ZNF385D: variants seen among roughly 807,000 people sequenced by gnomAD.
The protein encoded by ZNF385D is zinc finger protein 659.
ZNF385D carries 15 observed loss-of-function variants against 35.8 expected under a neutral mutation model. The observed-to-expected ratio is 0.42, with a 90% CI of 0.28 to 0.64. The LOEUF (loss-of-function observed/expected upper bound fraction) is 0.64. Among genes scored for constraint, ZNF385D ranks in the 30% least tolerant of loss-of-function variants. The pLI is 0.23. For synonymous variants in ZNF385D, 212 were observed against 186.8 expected (o/e 1.13, Z -1.10); for missense variants, 474 against 494.6 (o/e 0.96, Z 0.39).
intron 2 of ZNF385D, among the ~76,000 whole-genome samples, chr3:22,300,336 G>T (rs908880859): frequency 4.0e-5 from 6 of 151,062 alleles, no homozygotes; most frequent in Admixed American, 4.0e-4. Context: ...CTATAAAACT[G>T]CTAGAAGAAA....
intron 1 of ZNF385D, among the ~76,000 whole-genome samples, chr3:21,736,402 A>C (rs1269871165): frequency 6.6e-6 from 1 of 152,226 alleles, no homozygotes; most frequent in African/African-American, 2.4e-5. Flanking sequence ...TATAAGAAAG[A>C]ATCACTGAAA....
At chr3:22,082,072 A>G (rs1211612570) in intron 3 of ZNF385D, among the ~76,000 whole-genome samples, 1 of 150,316 alleles carries the variant, frequency 6.7e-6, no homozygotes, top group East Asian at 2.0e-4. Flanking sequence ...AGTGTTAAGA[A>G]TTTTCTTCTG....
At chr3:22,172,406 A>G (rs1465596604) in intron 2 of ZNF385D, among the ~76,000 whole-genome samples, 5 of 152,156 alleles carry the variant, frequency 3.3e-5, no homozygotes, top group African/African-American at 1.2e-4. Flanking sequence ...AATGTATGTG[A>G]GTTAATTTGA....
At chr3:22,166,587 T>C (rs776304957) in intron 3 of ZNF385D, among the ~76,000 whole-genome samples, 4 of 152,230 alleles carry the variant, frequency 2.6e-5, no homozygotes, top group Non-Finnish European at 5.9e-5. Context: ...TGGTTGGTTA[T>C]GAGGAAAAAT....
chr3:21,832,464 A>T (rs1304711678), intron 3 of ZNF385D, among the ~76,000 whole-genome samples: 1 of 152,180 alleles, frequency 6.6e-6, no homozygotes, highest in East Asian at 1.9e-4. Context: ...AGGGTGTCAT[A>T]CATTCTCATG....
chr3:21,655,840 C>G (rs1465835772), intron 2 of ZNF385D, among the ~76,000 whole-genome samples: 7 of 151,954 alleles, frequency 4.6e-5, no homozygotes, highest in Admixed American at 2.6e-4. Context: ...AATTTTCTCT[C>G]TAAGTTCAGC....
chr3:22,289,876 C>A (rs1477126155), intron 2 of ZNF385D, among the ~76,000 whole-genome samples: 1 of 152,052 alleles, frequency 6.6e-6, no homozygotes, highest in Non-Finnish European at 1.5e-5. Context: ...TCCTGGAGGT[C>A]TATAGTATGT....
intron 3 of ZNF385D, among the ~76,000 whole-genome samples, chr3:22,154,324 C>T (rs1217365267): frequency 6.6e-6 from 1 of 152,180 alleles, no homozygotes; most frequent in Non-Finnish European, 1.5e-5. Flanking sequence ...CCCTGAGTCT[C>T]TGCTACATCA....
intron 2 of ZNF385D, among the ~76,000 whole-genome samples, chr3:22,294,788 C>T (rs527582760): frequency 6.6e-6 from 1 of 152,082 alleles, no homozygotes; most frequent in Non-Finnish European, 1.5e-5. Flanking sequence ...AATGTCAATG[C>T]TTAGTGGAAA....
intron 3 of ZNF385D, among the ~76,000 whole-genome samples, chr3:22,162,602 T>G (rs568118626): frequency 2.3e-4 from 35 of 152,270 alleles, no homozygotes; most frequent in Middle Eastern, 3.4e-3. Flanking sequence ...CTTCCCTCAC[T>G]GTCCTATTAC....
intron 3 of ZNF385D, among the ~76,000 whole-genome samples, chr3:21,968,214 T>C (rs1321688467): frequency 1.3e-5 from 2 of 152,142 alleles, no homozygotes; most frequent in Non-Finnish European, 2.9e-5. Context: ...AGGGAGCATT[T>C]AGACCAGCCG....
intron 4 of ZNF385D, among the ~76,000 whole-genome samples, chr3:21,440,395 A>T (rs1701799519): frequency 6.6e-6 from 1 of 152,142 alleles, no homozygotes. Flanking sequence ...AAGGACATTT[A>T]TCAAATTCCT....
chr3:21,466,306 CCTT>C (rs1181587736), intron 4 of ZNF385D, among the ~76,000 whole-genome samples: 1 of 152,120 alleles, frequency 6.6e-6, no homozygotes, highest in Non-Finnish European at 1.5e-5. Flanking sequence ...TTTGCCTACT[CCTT>C]CATACATCCA....
At chr3:22,034,819 A>C (rs28464978) in intron 3 of ZNF385D, among the ~76,000 whole-genome samples, 2,641 of 152,292 alleles carry the variant, frequency 0.017, 56 homozygotes, top group South Asian at 0.084. Flanking sequence ...TTTACATTTT[A>C]AAACTGTCCT....
chr3:21,596,448 CTG>C (rs2064129558), intron 2 of ZNF385D, among the ~76,000 whole-genome samples: 1 of 152,046 alleles, frequency 6.6e-6, no homozygotes, highest in Non-Finnish European at 1.5e-5. Context: ...TATTCTTTAT[CTG>C]TCAAATATAT....
intron 3 of ZNF385D, among the ~76,000 whole-genome samples, chr3:21,553,942 A>C (rs950627140): frequency 6.6e-6 from 1 of 152,182 alleles, no homozygotes; most frequent in African/African-American, 2.4e-5. Context: ...TTTCCACAAT[A>C]TCTACATTTA....
At chr3:22,348,485 TAAAAAAAAAAAA>T (rs1168729541) in intron 2 of ZNF385D, among the ~76,000 whole-genome samples, 1 of 84,934 alleles carries the variant, frequency 1.2e-5, no homozygotes, top group Non-Finnish European at 2.1e-5. Flanking sequence ...CCATCTCTAC[TAAAAAAAAAAAA>T]AAAAAAAAAA....
At chr3:21,880,514 TTGTG>T (rs1356858929) in intron 3 of ZNF385D, among the ~76,000 whole-genome samples, 1 of 152,024 alleles carries the variant, frequency 6.6e-6, no homozygotes, top group Non-Finnish European at 1.5e-5. Context: ...TTGATAAATG[TTGTG>T]TCTGACCTTT....
At chr3:21,467,289 C>T (rs987806753) in intron 4 of ZNF385D, among the ~76,000 whole-genome samples, 5 of 152,044 alleles carry the variant, frequency 3.3e-5, no homozygotes, top group African/African-American at 1.2e-4. Context: ...TTTGTTGTTG[C>T]TGACATTGTA....
Sources: gnomAD v4.1 joint callset for allele counts (sites outside exome capture counted in the v4.1 genomes callset) on GRCh38, gnomAD v4.1.1 for gene constraint, MANE v1.5 for transcripts, NCBI Gene and HGNC (gene_info 2026-07-23, HGNC 2026-07-21) for gene names.